ADGRL2: variants seen among roughly 807,000 people sequenced by gnomAD.
ADGRL2 encodes calcium-independent alpha-latrotoxin receptor 2.
ADGRL2 carries 44 observed loss-of-function variants against 157.4 expected under a neutral mutation model. The ratio of observed to expected loss-of-function variants is 0.28; its 90% CI spans 0.22 to 0.36. ADGRL2 has a LOEUF of 0.36. ADGRL2 is among the 10% of genes least tolerant of loss of function. ADGRL2 has a pLI of 1.00. For missense variants in ADGRL2, 1,510 were observed against 1,768.9 expected (o/e 0.85, Z 2.63); for synonymous variants, 585 against 624.7 (o/e 0.94, Z 0.95).
chr1:81,699,043 T>C (rs1241559194), upstream of ADGRL2, among the ~76,000 whole-genome samples: 1 of 152,188 alleles, frequency 6.6e-6, no homozygotes, highest in Non-Finnish European at 1.5e-5. Flanking sequence ...AACTAACACA[T>C]GTATTTGGTT....
intron 2 of ADGRL2, among the ~76,000 whole-genome samples, chr1:81,861,169 A>G (rs900079220): frequency 6.6e-5 from 10 of 151,918 alleles, no homozygotes; most frequent in African/African-American, 2.2e-4. Flanking sequence ...TACAGGTGCC[A>G]GCCACCACGC....
intron 2 of ADGRL2, among the ~76,000 whole-genome samples, chr1:81,903,023 G>A (rs1416177719): frequency 6.6e-6 from 1 of 152,202 alleles, no homozygotes; most frequent in African/African-American, 2.4e-5. Context: ...AATAGCATGT[G>A]TACTTGATTA....
intron 2 of ADGRL2, among the ~76,000 whole-genome samples, chr1:81,573,222 A>G: frequency 6.6e-6 from 1 of 152,088 alleles, no homozygotes. Context: ...ATTATGTGAC[A>G]GAATTCAGGA....
At chr1:81,547,672 C>G (rs899667459) in intron 2 of ADGRL2, among the ~76,000 whole-genome samples, 8 of 152,140 alleles carry the variant, frequency 5.3e-5, no homozygotes, top group African/African-American at 1.4e-4. Context: ...AATTTCATGA[C>G]TATTGTCTTG....
chr1:81,589,681 A>G (rs1006054952), intron 3 of ADGRL2, among the ~76,000 whole-genome samples: 1 of 152,162 alleles, frequency 6.6e-6, no homozygotes, highest in Non-Finnish European at 1.5e-5. Context: ...ACTATCTATT[A>G]TGAAAGTAGT....
chr1:81,540,643 A>C (rs761686324), intron 2 of ADGRL2, among the ~76,000 whole-genome samples: 19 of 152,192 alleles, frequency 1.2e-4, no homozygotes, highest in Non-Finnish European at 2.8e-4. Context: ...GCCTGTATAA[A>C]GGCCCTAGGA....
intron 2 of ADGRL2, among the ~76,000 whole-genome samples, chr1:81,766,847 GA>G (rs66946051): frequency 0.07 from 8,285 of 117,746 alleles, 267 homozygotes; most frequent in Non-Finnish European, 0.1. Flanking sequence ...AAAAAAAAAG[GA>G]AAAAAAAAAA....
chr1:81,827,332 T>C (rs1168210368), intron 1 of ADGRL2, among the ~76,000 whole-genome samples: 1 of 152,202 alleles, frequency 6.6e-6, no homozygotes, highest in Non-Finnish European at 1.5e-5. Flanking sequence ...AAGCCACTTT[T>C]ACCAGCAGCT....
rs2084332750 is a variant in ADGRL2, at chr1:81,721,805, G to A, written c.-143+21997G>A. 3.5e-6 allele frequency: 4 copies of A among 1,149,198 alleles called. 1 individual carries two copies. The South Asian group carries it at 3.7e-5, about 11-fold the overall frequency. 71.2% of individuals were successfully genotyped at this position (1,149,198 alleles called of 1,614,324 possible). ...CCTGAGGGAGTGGGTGGGAGCAGGC[G>A]GTAAAGTACCACCTGCTACTCAGAA... On this transcript the variant is annotated intron_variant, in intron 1 of 20. Coordinates refer to the ADGRL2 transcript ENST00000359929.
At chr1:81,502,874 C>G in intron 2 of ADGRL2, 1 of 1,613,298 alleles carries the variant, frequency 6.2e-7, no homozygotes, top group East Asian at 2.2e-5. Context: ...ATCCGCTTTC[C>G]CATCCTTGGG....
At chr1:81,656,223 T>C (rs1183082141) in intron 3 of ADGRL2, among the ~76,000 whole-genome samples, 2 of 152,178 alleles carry the variant, frequency 1.3e-5, no homozygotes, top group South Asian at 2.1e-4. Flanking sequence ...GTCCTTGTGC[T>C]CAGCACTTTA....
intron 3 of ADGRL2, among the ~76,000 whole-genome samples, chr1:81,666,694 A>G (rs545775473): frequency 2.0e-5 from 3 of 152,258 alleles, no homozygotes; most frequent in African/African-American, 4.8e-5. Context: ...ATAGTTCACT[A>G]TTTGTTACCA....
intron 1 of ADGRL2, among the ~76,000 whole-genome samples, chr1:81,390,571 T>C (rs1448081196): frequency 6.6e-6 from 1 of 151,502 alleles, no homozygotes; most frequent in Non-Finnish European, 1.5e-5. Context: ...GTAAATGCCC[T>C]CCCTCCTATC....
At chr1:81,762,976 C>T (rs551048372) in intron 2 of ADGRL2, among the ~76,000 whole-genome samples, 179 of 145,846 alleles carry the variant, frequency 1.2e-3, no homozygotes, top group African/African-American at 4.5e-3. Flanking sequence ...GGCGTGAACC[C>T]AGGAGGTGGA....
chr1:81,403,766 G>C (rs1331338831), intron 1 of ADGRL2, among the ~76,000 whole-genome samples: 1 of 151,454 alleles, frequency 6.6e-6, no homozygotes, highest in African/African-American at 2.4e-5. Context: ...GGATGACAGA[G>C]AGAGATGGTA....
At chr1:81,988,092 T>C (rs953626687) in intron 23 of ADGRL2, among the ~76,000 whole-genome samples, 14 of 152,160 alleles carry the variant, frequency 9.2e-5, no homozygotes, top group Non-Finnish European at 2.1e-4. Flanking sequence ...TAGCAAATGC[T>C]GTCCATACTT....
intron 1 of ADGRL2, among the ~76,000 whole-genome samples, chr1:81,310,738 T>A (rs565396409): frequency 6.6e-6 from 1 of 152,164 alleles, no homozygotes; most frequent in East Asian, 1.9e-4. Flanking sequence ...TGGGAATTAA[T>A]TTAAATTTGA....
chr1:81,899,420 C>A (rs917115805), intron 2 of ADGRL2, among the ~76,000 whole-genome samples: 3 of 152,140 alleles, frequency 2.0e-5, no homozygotes, highest in Non-Finnish European at 4.4e-5. Context: ...AGTTGCTGCA[C>A]CTGTTGCCGG....
chr1:81,851,414 T>C (rs185153996), intron 2 of ADGRL2, among the ~76,000 whole-genome samples: 1 of 151,950 alleles, frequency 6.6e-6, no homozygotes, highest in Admixed American at 6.6e-5. Flanking sequence ...AAATGATGAG[T>C]AATGAATATC....
Sources: gnomAD v4.1 joint callset for allele counts (sites outside exome capture counted in the v4.1 genomes callset) on GRCh38, gnomAD v4.1.1 for gene constraint, MANE v1.5 for transcripts, NCBI Gene and HGNC (gene_info 2026-07-23, HGNC 2026-07-21) for gene names.